The following BBX variants were observed in gnomAD, a reference collection of about 807,000 sequenced individuals.
BBX encodes HMG box transcription factor BBX.
BBX carries 30 observed loss-of-function variants against 100.2 expected under a neutral mutation model. That is an observed-to-expected ratio of 0.30 (90% CI 0.22 to 0.41). BBX has a LOEUF of 0.41. BBX is among the 10% of genes least tolerant of loss of function. The pLI, the probability that BBX is intolerant of heterozygous loss-of-function variation, is 1.00. For missense variants in BBX, 1,023 were observed against 1,129.8 expected, an observed-to-expected ratio of 0.91 and a Z score of 1.35; for synonymous variants, 376 against 388.1, an observed-to-expected ratio of 0.97 and a Z score of 0.37.
chr3:107,626,753 C>G (rs2056206784), intron 2 of BBX, among the ~76,000 whole-genome samples: 1 of 150,786 alleles, frequency 6.6e-6, no homozygotes, highest in Non-Finnish European at 1.5e-5. Flanking sequence ...CTCCTGGGTT[C>G]AAGTGATTTT....
Position 107,778,396 on chromosome 3 carries a change from G to A in BBX, c.2080G>A (p.Glu694Lys). The change falls in exon 13 of 18, where the codon GAA (glutamate) becomes AAA (lysine). Residue 694 changes from glutamate (E) to lysine (K), a missense_variant. By Grantham distance (56) the Glu-to-Lys change is moderately conservative. This residue lies in a region of BBX where 215 missense variants were observed against 211.3 expected (regional missense o/e 1.02). Coordinates refer to ENST00000325805, the MANE Select transcript of BBX (RefSeq NM_001142568.3). ...CTCCGCAAAGCTGGATGAAGAATTTGAAAAAAAATTCAACAGCCTCCCTCA... is the reference window on the plus strand; with the variant it reads ...CTCCGCAAAGCTGGATGAAGAATTTAAAAAAAAATTCAACAGCCTCCCTCA... ...LGSAKLDEEF[E>K]KKFNSLPQYS... 1 of 1,612,794 alleles carries A rather than the reference G, an allele frequency of 6.2e-7. No individual in the cohort carries two copies.
At chr3:107,671,806 A>G (rs1002737659) in intron 3 of BBX, among the ~76,000 whole-genome samples, 8 of 152,066 alleles carry the variant, frequency 5.3e-5, no homozygotes, top group African/African-American at 1.7e-4. Flanking sequence ...TGACATAACT[A>G]AATATTCATA....
intron 3 of BBX, among the ~76,000 whole-genome samples, chr3:107,700,007 T>C (rs2060922686): frequency 6.6e-6 from 1 of 151,902 alleles, no homozygotes; most frequent in Non-Finnish European, 1.5e-5. Flanking sequence ...TGTGAACAAA[T>C]GACACTATCA....
intron 2 of BBX, among the ~76,000 whole-genome samples, chr3:107,536,887 A>G (rs2048532183): frequency 6.6e-6 from 1 of 152,160 alleles, no homozygotes; most frequent in Admixed American, 6.5e-5. Flanking sequence ...AATCTGTGCT[A>G]ATTGTTTTAA....
chr3:107,801,934 T>G (rs1270104735), intron 17 of BBX, among the ~76,000 whole-genome samples: 17 of 152,194 alleles, frequency 1.1e-4, no homozygotes, highest in Non-Finnish European at 2.4e-4. Flanking sequence ...CAGCACACAT[T>G]GAGCATAGTG....
At position 107,773,050 on chromosome 3, in the gene BBX, A is replaced by G. The variant is rs189132250; in HGVS notation, c.1329A>G (p.Ala443=). The G allele has an allele frequency of 7.3e-5, 118 of 1,614,032 alleles. No individual in the cohort carries two copies. The East Asian group carries it at 1.9e-3, about 26-fold the overall frequency. The stretch of plus-strand genomic sequence containing the variant: ...TTATGATCATTGAGGATCCCGCAGC[A>G]TTAAACAAGCCAGAAAAGCTAAAAA... ...HGIMIIEDPA[A]LNKPEKLKKK... Residue 443 remains alanine (A), a synonymous_variant, in exon 11 of 18, where the codon GCA becomes GCG. Transcript: ENST00000325805. This position sits in a 1 kb window ranked among gnomAD's most constrained non-coding sequence, Gnocchi z 4.1.
chr3:107,662,987 T>A (rs1347220980), intron 3 of BBX: 1 of 152,198 alleles, frequency 6.6e-6, no homozygotes, highest in Non-Finnish European at 1.5e-5. Context: ...TATACAAGAA[T>A]GTTTGTATAT....
chr3:107,679,399 G>A (rs1227622677), intron 3 of BBX, among the ~76,000 whole-genome samples: 1 of 151,976 alleles, frequency 6.6e-6, no homozygotes. Flanking sequence ...GGCTTGAGTC[G>A]CATATTTTCT....
At chr3:107,769,648 TC>T (rs149135271) in intron 10 of BBX, among the ~76,000 whole-genome samples, 4,225 of 152,194 alleles carry the variant, frequency 0.028, 198 homozygotes, top group African/African-American at 0.097. Flanking sequence ...GAGTATCGTA[TC>T]TGTCGTATGA....
intron 2 of BBX, among the ~76,000 whole-genome samples, chr3:107,607,682 G>A (rs958006611): frequency 6.6e-6 from 1 of 152,118 alleles, no homozygotes. Context: ...CACCTGCAGC[G>A]TGCAAGGGTT....
At chr3:107,675,766 T>G (rs980128885) in intron 3 of BBX, among the ~76,000 whole-genome samples, 1 of 152,204 alleles carries the variant, frequency 6.6e-6, no homozygotes, top group Admixed American at 6.5e-5. Context: ...TGCCACTAAT[T>G]GGTTTGGTGA....
chr3:107,734,819 T>G (rs985420408), intron 7 of BBX, among the ~76,000 whole-genome samples: 5 of 152,136 alleles, frequency 3.3e-5, no homozygotes, highest in Admixed American at 2.6e-4. Context: ...CTCCTACTCC[T>G]TCTTAAGAAG....
intron 13 of BBX, among the ~76,000 whole-genome samples, chr3:107,783,195 T>G (rs1215567085): frequency 6.6e-6 from 1 of 152,134 alleles, no homozygotes; most frequent in Non-Finnish European, 1.5e-5. Context: ...AATGGCTGCT[T>G]CTCAGTGACT....
chr3:107,791,243 G>A lies in BBX; in HGVS notation c.2297G>A (p.Ser766Asn). 2 of 1,612,528 alleles carry A rather than the reference G, an allele frequency of 1.2e-6. No homozygotes were observed. The highest frequency in any genetic ancestry group is 1.7e-6 in the Non-Finnish European group (2 of 1,178,968). ...CCTTTTCTGTCATTGTTTTTAGGAA[G>A]TGGGGATAAATGGTCAAACAAGCAA... is the stretch of plus-strand genomic sequence containing the variant. ...KEKPNVPEKG[S>N]GDKWSNKQLF... Residue 766 changes from serine (S) to asparagine (N), a missense_variant, in exon 15 of 18, where the codon AGT (serine) becomes AAT (asparagine). Ser to Asn is a conservative substitution (Grantham distance 46, BLOSUM62 1). Transcript: ENST00000325805.
intron 2 of BBX, among the ~76,000 whole-genome samples, chr3:107,578,852 G>A (rs2052033275): frequency 6.6e-6 from 1 of 152,120 alleles, no homozygotes; most frequent in South Asian, 2.1e-4. Flanking sequence ...TCCCCAACCT[G>A]TCAAATGCAA....
intron 3 of BBX, among the ~76,000 whole-genome samples, chr3:107,700,652 T>C (rs1300069712): frequency 7.0e-6 from 1 of 143,034 alleles, no homozygotes; most frequent in African/African-American, 2.6e-5. Flanking sequence ...TGTGTTCTCA[T>C]TGTTCAATTC....
At chr3:107,757,690 T>C (rs1388747242) in intron 10 of BBX, among the ~76,000 whole-genome samples, 1 of 152,216 alleles carries the variant, frequency 6.6e-6, no homozygotes, top group Non-Finnish European at 1.5e-5. Flanking sequence ...CATCTCCAAA[T>C]AATCACCAGC....
chr3:107,621,960 A>C (rs1216711894), intron 2 of BBX, among the ~76,000 whole-genome samples: 3 of 152,258 alleles, frequency 2.0e-5, no homozygotes, highest in African/African-American at 7.2e-5. Context: ...GATTACCAGC[A>C]GTAATACTGG....
In BBX at chr3:107,698,714, G is replaced by A. The variant is rs184875806; in HGVS notation, c.-9-11738G>A. Among the ~76,000 whole-genome samples the A allele has an allele frequency of 2.1e-3, 311 of 151,578 alleles. 10 individuals are homozygous for A. Among genetic ancestry groups the A allele is most frequent in the African/African-American group, 7.2e-3 (296 of 41,090 alleles). ...GGAGCATGGAAGATTAAAAATCAGT[G>A]TTCGGTGATTGATACAGGAGAAAAG... On this transcript the variant is annotated intron_variant, in intron 3 of 17. Coordinates refer to ENST00000325805, the MANE Select transcript of BBX (RefSeq NM_001142568.3).
Sources: allele counts gnomAD v4.1 joint callset (sites outside exome capture counted in the v4.1 genomes callset), GRCh38; gene constraint gnomAD v4.1.1; regional missense constraint gnomAD v4.1.1; non-coding constraint Gnocchi (gnomAD v3.1); transcripts MANE v1.5; gene names NCBI Gene and HGNC (gene_info 2026-07-23, HGNC 2026-07-21).